The following EXOC2 variants were observed in gnomAD, a reference collection of about 807,000 sequenced individuals.
EXOC2 encodes SEC5-like 1.
EXOC2 carries 70 observed loss-of-function variants against 131.8 expected under a neutral mutation model. That is an observed-to-expected ratio of 0.53 (90% confidence interval 0.44 to 0.65). The LOEUF (loss-of-function observed/expected upper bound fraction) is 0.65, where lower values mean the gene tolerates loss of function less well. Ranked by LOEUF, EXOC2 falls within the 30% of genes least tolerant of loss-of-function variation. EXOC2 has a pLI of 0.00. For missense variants in EXOC2, 923 were observed against 1,108.6 expected (o/e 0.83, Z 2.38); for synonymous variants, 411 against 398.4 (o/e 1.03, Z -0.38).
chr6:665,866 C>G (rs1763622222), intron 1 of EXOC2, among the ~76,000 whole-genome samples: 1 of 152,118 alleles, frequency 6.6e-6, no homozygotes, highest in South Asian at 2.1e-4. Context: ...CAGAATCTCA[C>G]AAGTCACCAC....
At chr6:626,607 T>G (rs200901814) in intron 4 of EXOC2, among the ~76,000 whole-genome samples, 2 of 152,126 alleles carry the variant, frequency 1.3e-5, no homozygotes, top group East Asian at 3.8e-4. Context: ...CCTTTTTTTT[T>G]TTGAGACAGA....
At chr6:501,144 A>G (rs1467195778) in intron 23 of EXOC2, among the ~76,000 whole-genome samples, 3 of 72,274 alleles carry the variant, frequency 4.2e-5, no homozygotes, top group African/African-American at 5.6e-5. Flanking sequence ...ATATCTATAT[A>G]TATTATATAT....
chr6:555,827 G>A lies in EXOC2; in HGVS notation c.1992+127C>T, dbSNP rs1316373136. On this transcript the variant is annotated intron_variant, in intron 19 of 27. Coordinates refer to ENST00000230449, the MANE Select transcript of EXOC2 (RefSeq NM_018303.6). ...TTACCCACTTACCTTAAACTATTAT[G>A]TACACAGACAAGATGAAAAAAGAAT... 2 of 945,936 alleles carry A rather than the reference G, an allele frequency of 2.1e-6. 1 individual carries two copies. The highest frequency in any genetic ancestry group is 3.2e-6 in the Non-Finnish European group (2 of 630,072). 58.6% of individuals were successfully genotyped at this position (945,936 alleles called of 1,614,324 possible). A position where few individuals can be genotyped will look rare whatever the true frequency, so the allele number is the denominator to read the frequency against.
At chr6:550,844 T>G (rs568090074) in intron 21 of EXOC2, among the ~76,000 whole-genome samples, 2 of 152,346 alleles carry the variant, frequency 1.3e-5, no homozygotes, top group African/African-American at 4.8e-5. Flanking sequence ...AAATCAATCC[T>G]TAGTTACTTT....
At chr6:518,734 T>C (rs1208390504) in intron 23 of EXOC2, among the ~76,000 whole-genome samples, 1 of 152,212 alleles carries the variant, frequency 6.6e-6, no homozygotes, top group Non-Finnish European at 1.5e-5. Context: ...CAAGCAAGAT[T>C]AATGAAACTG....
At chr6:660,433 T>C (rs1763374867) in intron 1 of EXOC2, among the ~76,000 whole-genome samples, 1 of 152,112 alleles carries the variant, frequency 6.6e-6, no homozygotes, top group African/African-American at 2.4e-5. Context: ...GGCGCTGATA[T>C]TCACATTCAC....
In EXOC2 at chr6:592,597, C is replaced by T. The variant is rs1759602931; in HGVS notation, c.1074-10G>A. ...AAGGTCAGACAGGTACCTGAAAAAG[C>T]AAGTCCAAGGTTGAGGCCAAAGGGA... On this transcript the variant is annotated splice_polypyrimidine_tract_variant and intron_variant, in intron 10 of 27. Transcript: ENST00000230449. 1 of 1,609,510 alleles carries T rather than the reference C, an allele frequency of 6.2e-7. No individual in the cohort carries two copies. The highest frequency in any genetic ancestry group is 8.5e-7 in the Non-Finnish European group (1 of 1,176,294).
intron 10 of EXOC2, among the ~76,000 whole-genome samples, chr6:593,726 T>C (rs1404441405): frequency 1.3e-5 from 2 of 152,192 alleles, no homozygotes; most frequent in Non-Finnish European, 2.9e-5. Context: ...GGGTTAGAGG[T>C]TTTTGTTCAG....
intron 4 of EXOC2, among the ~76,000 whole-genome samples, chr6:621,192 C>T (rs1219429728): frequency 6.6e-6 from 1 of 152,228 alleles, no homozygotes; most frequent in Admixed American, 6.5e-5. Context: ...AATGCAGCCA[C>T]CTCTACTGTC....
intron 4 of EXOC2, among the ~76,000 whole-genome samples, chr6:628,423 G>A (rs778525427): frequency 4.6e-5 from 7 of 152,172 alleles, no homozygotes; most frequent in African/African-American, 1.7e-4. Context: ...ACCACACTGT[G>A]GGCAGCAGCA....
chr6:591,205 C>T (rs924210788), intron 11 of EXOC2, among the ~76,000 whole-genome samples: 2 of 152,180 alleles, frequency 1.3e-5, no homozygotes, highest in East Asian at 1.9e-4. Context: ...CATCCACCCA[C>T]TATGGGCGGC....
intron 22 of EXOC2, among the ~76,000 whole-genome samples, chr6:537,277 C>A (rs1336588204): frequency 1.4e-5 from 2 of 147,912 alleles, no homozygotes; most frequent in Admixed American, 6.7e-5. Context: ...GCCGACGGAG[C>A]GTACACTCGA....
chr6:494,030 C>A (rs1763583732), intron 25 of EXOC2, among the ~76,000 whole-genome samples: 1 of 152,200 alleles, frequency 6.6e-6, no homozygotes, highest in Non-Finnish European at 1.5e-5. Flanking sequence ...ACTGCGACTG[C>A]CTGTTAATTC....
intron 16 of EXOC2, among the ~76,000 whole-genome samples, chr6:563,251 G>A (rs1344312659): frequency 1.3e-5 from 2 of 152,148 alleles, no homozygotes; most frequent in Admixed American, 1.3e-4. Flanking sequence ...TCCTGACAAG[G>A]GCAATATGAT....
chr6:600,819 C>A (rs1459705734), intron 7 of EXOC2, among the ~76,000 whole-genome samples: 1 of 151,984 alleles, frequency 6.6e-6, no homozygotes, highest in East Asian at 1.9e-4. Flanking sequence ...AATACATGTA[C>A]TTATATGTTG....
At chr6:624,728 G>C (rs978673683) in intron 4 of EXOC2, among the ~76,000 whole-genome samples, 2 of 152,198 alleles carry the variant, frequency 1.3e-5, no homozygotes, top group African/African-American at 4.8e-5. Flanking sequence ...AAGGGGAGCT[G>C]CTTTCAAATG....
intron 1 of EXOC2, chr6:656,238 A>C (rs1404009049): frequency 6.2e-7 from 1 of 1,614,122 alleles, no homozygotes; most frequent in African/African-American, 1.3e-5. Flanking sequence ...AAACTGCAGA[A>C]GCTTCCGATT....
chr6:554,099 T>C (rs1757292492), intron 20 of EXOC2, among the ~76,000 whole-genome samples, 179 bp from the exon 21 acceptor site: 1 of 151,540 alleles, frequency 6.6e-6, no homozygotes, highest in South Asian at 2.1e-4. Context: ...GGAGTGCAAA[T>C]GGTGCGTTCT....
chr6:575,816 C>T (rs1305472303), intron 12 of EXOC2, among the ~76,000 whole-genome samples: 5 of 152,156 alleles, frequency 3.3e-5, no homozygotes, highest in Admixed American at 3.3e-4. Flanking sequence ...TTACATTGAA[C>T]ATTATATAAT....
Sources: gnomAD v4.1 joint callset for allele counts (sites outside exome capture counted in the v4.1 genomes callset) on GRCh38, gnomAD v4.1.1 for gene constraint, MANE v1.5 for transcripts, NCBI Gene and HGNC (gene_info 2026-07-23, HGNC 2026-07-21) for gene names.